Variants in SLC22A9 observed in about 807,000 individuals in gnomAD.
The protein encoded by SLC22A9 is organic anion transporter 7.
In SLC22A9, 64 loss-of-function variants were observed where a neutral mutation model predicts 50.1. The ratio of observed to expected loss-of-function variants is 1.28; its 90% CI spans 1.04 to 1.57. SLC22A9 has a LOEUF of 1.57. Ranked by LOEUF, SLC22A9 falls within the 40% of genes most tolerant of loss-of-function variation. The pLI, the probability that SLC22A9 is intolerant of heterozygous loss-of-function variation, is 0.00. For missense variants in SLC22A9, 757 were observed against 676.1 expected (o/e 1.12, Z -1.33); for synonymous variants, 261 against 242.5 (o/e 1.08, Z -0.71).
intron 6 of SLC22A9, among the ~76,000 whole-genome samples, chr11:63,389,327 C>T (rs2014722083): frequency 1.3e-5 from 2 of 150,180 alleles, no homozygotes; most frequent in South Asian, 2.1e-4. Flanking sequence ...TGCTATCCCT[C>T]CCCCTTCCCC....
At chr11:63,391,727 A>C (rs2014766825) in intron 6 of SLC22A9, among the ~76,000 whole-genome samples, 1 of 152,008 alleles carries the variant, frequency 6.6e-6, no homozygotes, top group Non-Finnish European at 1.5e-5. Flanking sequence ...TGTAAGCAAC[A>C]GATCATTGAG....
At chr11:63,395,038 C>T (rs2014829425) in intron 6 of SLC22A9, among the ~76,000 whole-genome samples, 1 of 151,834 alleles carries the variant, frequency 6.6e-6, no homozygotes, top group Non-Finnish European at 1.5e-5. Flanking sequence ...ATTGCTGAGG[C>T]TTTCCAGAGC....
At chr11:63,399,058 A>G (rs939749203) in intron 6 of SLC22A9, among the ~76,000 whole-genome samples, 1 of 152,248 alleles carries the variant, frequency 6.6e-6, no homozygotes, top group Non-Finnish European at 1.5e-5. Context: ...AGTCTCTAAT[A>G]GATACATAAA....
intron 6 of SLC22A9, among the ~76,000 whole-genome samples, chr11:63,402,811 A>G (rs143830699): frequency 7.1e-4 from 108 of 152,226 alleles, no homozygotes; most frequent in African/African-American, 2.6e-3. Flanking sequence ...TTTACACTAT[A>G]CTGTCTTCAC....
At chr11:63,388,200 G>T (rs2014702015) in intron 6 of SLC22A9, among the ~76,000 whole-genome samples, 1 of 152,140 alleles carries the variant, frequency 6.6e-6, no homozygotes, top group Admixed American at 6.5e-5. Context: ...GACTTCAAGG[G>T]CTATGTTGAA....
intron 6 of SLC22A9, among the ~76,000 whole-genome samples, chr11:63,401,651 G>GT (rs2014953827): frequency 6.6e-6 from 1 of 151,894 alleles, no homozygotes; most frequent in South Asian, 2.1e-4. Context: ...AATCAAAAAA[G>GT]ACCCATAAAG....
At chr11:63,370,943 G>A (rs2014346432) in intron 1 of SLC22A9, among the ~76,000 whole-genome samples, 192 bp from the exon 2 acceptor site, 1 of 152,168 alleles carries the variant, frequency 6.6e-6, no homozygotes, top group Non-Finnish European at 1.5e-5. Context: ...TATAGGTTTA[G>A]GAAAGTCTTC....
At chr11:63,387,943 G>A (rs1373522129) in intron 6 of SLC22A9, among the ~76,000 whole-genome samples, 2 of 151,798 alleles carry the variant, frequency 1.3e-5, no homozygotes, top group Admixed American at 1.3e-4. Context: ...GTCTTTTTTA[G>A]ATGGTTCCTT....
intron 6 of SLC22A9, among the ~76,000 whole-genome samples, chr11:63,400,730 T>A (rs2014938765): frequency 6.6e-6 from 1 of 151,968 alleles, no homozygotes; most frequent in South Asian, 2.1e-4. Context: ...ACATCACTGA[T>A]GAACATAGAT....
chr11:63,372,717 TATG>T (rs1172184382), intron 2 of SLC22A9, among the ~76,000 whole-genome samples: 2 of 152,176 alleles, frequency 1.3e-5, no homozygotes, highest in Non-Finnish European at 1.5e-5. Context: ...TTTTATAGTT[TATG>T]ATAAAAGTCA....
chr11:63,383,333 A>G (rs1169389108), intron 6 of SLC22A9, among the ~76,000 whole-genome samples: 1 of 152,208 alleles, frequency 6.6e-6, no homozygotes, highest in Admixed American at 6.5e-5. Flanking sequence ...GATAAAAAAA[A>G]TCTGACTGTC....
chr11:63,402,587 G>A (rs1260184494), intron 6 of SLC22A9, among the ~76,000 whole-genome samples: 1 of 151,364 alleles, frequency 6.6e-6, no homozygotes, highest in Non-Finnish European at 1.5e-5. Flanking sequence ...GGATTGATTT[G>A]GCTATTTGAG....
At chr11:63,391,343 A>G (rs556626239) in intron 6 of SLC22A9, among the ~76,000 whole-genome samples, 9 of 152,238 alleles carry the variant, frequency 5.9e-5, no homozygotes, top group Non-Finnish European at 7.4e-5. Context: ...GATTTGTTCT[A>G]CAATGCAGAT....
intron 6 of SLC22A9, among the ~76,000 whole-genome samples, chr11:63,405,193 G>A (rs1451839835): frequency 1.3e-5 from 2 of 152,060 alleles, no homozygotes; most frequent in African/African-American, 4.8e-5. Flanking sequence ...ATCAGGTGTG[G>A]GTCACTTAAA....
chr11:63,380,447 C>G (rs534753718), intron 5 of SLC22A9, among the ~76,000 whole-genome samples: 1 of 152,068 alleles, frequency 6.6e-6, no homozygotes, highest in East Asian at 1.9e-4. Flanking sequence ...AAATGCCCAT[C>G]AACAGTGGAC....
chr11:63,403,742 T>C (rs1401543480), intron 6 of SLC22A9, among the ~76,000 whole-genome samples: 2 of 151,998 alleles, frequency 1.3e-5, no homozygotes, highest in Non-Finnish European at 2.9e-5. Flanking sequence ...TATGAAGTGT[T>C]TTATGGAGGA....
At chr11:63,409,664 C>T in intron 9 of SLC22A9, 138 bp from the exon 10 acceptor site, 1 of 794,342 alleles carries the variant, frequency 1.3e-6, no homozygotes, top group Non-Finnish European at 2.0e-6. Flanking sequence ...TTACTCAATC[C>T]CTTGGGGGCA....
chr11:63,387,594 C>G (rs1591019957), intron 6 of SLC22A9, among the ~76,000 whole-genome samples: 1 of 152,032 alleles, frequency 6.6e-6, no homozygotes, highest in Non-Finnish European at 1.5e-5. Context: ...GTGGTTCCTC[C>G]AGTTTTGTTC....
At position 63,409,952 on chromosome 11, in the gene SLC22A9, A is replaced by G; in HGVS notation, c.*90A>G. ...GACACTAGCAAAATCTAGAAAATAA[A>G]TAACAAGGCTGGGTGCGGTGGCTCA... is the stretch of plus-strand genomic sequence containing the variant. On this transcript the variant is annotated 3_prime_UTR_variant, in exon 10 of 10. Coordinates refer to ENST00000279178, the MANE Select transcript of SLC22A9 (RefSeq NM_080866.3). The G allele has an allele frequency of 6.8e-7, 1 of 1,473,004 alleles. No individual in the cohort carries two copies. Among genetic ancestry groups the G allele is most frequent in the South Asian group, 1.2e-5 (1 of 86,314 alleles). 91.2% of individuals were successfully genotyped at this position (1,473,004 alleles called of 1,614,324 possible). A position where few individuals can be genotyped will look rare whatever the true frequency, so the allele number is the denominator to read the frequency against.
Sources: gnomAD v4.1 joint callset for allele counts (sites outside exome capture counted in the v4.1 genomes callset) on GRCh38, gnomAD v4.1.1 for gene constraint, MANE v1.5 for transcripts, NCBI Gene and HGNC (gene_info 2026-07-23, HGNC 2026-07-21) for gene names.